The following PLGRKT variants were observed in gnomAD, a reference collection of about 807,000 sequenced individuals.
The protein encoded by PLGRKT is plasminogen receptor (KT).
PLGRKT carries 22 observed loss-of-function variants against 18.5 expected under a neutral mutation model. That is an observed-to-expected ratio of 1.19 (90% confidence interval 0.85 to 1.70). The LOEUF (loss-of-function observed/expected upper bound fraction) is 1.70. PLGRKT is among the 40% of genes most tolerant of loss of function. The pLI is 0.00. For synonymous variants in PLGRKT, 72 were observed against 52.8 expected (o/e 1.36, Z -1.58); for missense variants, 235 against 174.4 (o/e 1.35, Z -1.96).
At chr9:5,437,763 C>T (rs1171841645) in intron 1 of PLGRKT, 26 bp downstream of exon 1, 1 of 152,294 alleles carries the variant, frequency 6.6e-6, no homozygotes. Context: ...CTTCTCCCCA[C>T]CCGCCTGCGG....
At chr9:5,408,931 G>GT (rs1297397414) in intron 3 of PLGRKT, among the ~76,000 whole-genome samples, 1 of 152,254 alleles carries the variant, frequency 6.6e-6, no homozygotes, top group African/African-American at 2.4e-5. Flanking sequence ...GGTGCAAGCT[G>GT]TAAGTCTTGG....
At chr9:5,425,264 G>A (rs1244154269) in intron 3 of PLGRKT, among the ~76,000 whole-genome samples, 1 of 152,110 alleles carries the variant, frequency 6.6e-6, no homozygotes, top group Non-Finnish European at 1.5e-5. Context: ...ATTTTTAGAG[G>A]AGTTTTTAGA....
At chr9:5,432,397 C>G (rs1818844866) in intron 2 of PLGRKT, among the ~76,000 whole-genome samples, 1 of 152,208 alleles carries the variant, frequency 6.6e-6, no homozygotes, top group Non-Finnish European at 1.5e-5. Context: ...ACCTTTGCAT[C>G]TGAGGAGGGA....
intron 3 of PLGRKT, among the ~76,000 whole-genome samples, chr9:5,389,001 G>C (rs552018324): frequency 6.6e-6 from 1 of 152,058 alleles, no homozygotes; most frequent in East Asian, 1.9e-4. Context: ...TTATTGACTT[G>C]TGCAATGAAG....
intron 2 of PLGRKT, among the ~76,000 whole-genome samples, chr9:5,432,263 G>A (rs1818842278): frequency 6.6e-6 from 1 of 151,796 alleles, no homozygotes; most frequent in Non-Finnish European, 1.5e-5. Context: ...GCTGTTTCCT[G>A]ATTTTTCTTC....
intron 3 of PLGRKT, among the ~76,000 whole-genome samples, chr9:5,430,130 C>A (rs552778696): frequency 6.6e-6 from 1 of 152,218 alleles, no homozygotes; most frequent in Non-Finnish European, 1.5e-5. Context: ...ATTAACACCA[C>A]CACGCTCATG....
At chr9:5,409,512 G>A (rs1425796816) in intron 3 of PLGRKT, among the ~76,000 whole-genome samples, 2 of 152,166 alleles carry the variant, frequency 1.3e-5, no homozygotes, top group African/African-American at 4.8e-5. Flanking sequence ...GTGATCGTGT[G>A]AGTTAATACT....
chr9:5,377,939 T>C (rs1159042919), intron 3 of PLGRKT, among the ~76,000 whole-genome samples: 1 of 152,194 alleles, frequency 6.6e-6, no homozygotes, highest in Non-Finnish European at 1.5e-5. Context: ...CACTGAGACC[T>C]GAAGTATGAC....
At chr9:5,359,630 T>C (rs1817218725) in intron 5 of PLGRKT, among the ~76,000 whole-genome samples, 1 of 152,232 alleles carries the variant, frequency 6.6e-6, no homozygotes, top group Admixed American at 6.5e-5. Flanking sequence ...TTGTATATTT[T>C]AGGGTCATCA....
In PLGRKT at chr9:5,418,629, C is replaced by T. The variant is rs1586738911; in HGVS notation, c.81+13268G>A. On this transcript the variant is annotated intron_variant, in intron 3 of 5. Coordinates refer to ENST00000223864, the MANE Select transcript of PLGRKT (RefSeq NM_018465.4). The surrounding 1 kb of genome is among the most constrained non-coding windows in gnomAD (Gnocchi z 4.2). The stretch of plus-strand genomic sequence containing the variant: ...GGTTCCTGGGCAGCAGGTGGCGGCT[C>T]ATATCTCCGGGCAGCAGCGCGTGCT... The T allele has an allele frequency of 5.6e-6, 4 of 710,622 alleles. No homozygotes were observed. In the East Asian group the frequency reaches 1.1e-4, roughly 19 times the overall value. 44.0% of individuals were successfully genotyped at this position (710,622 alleles called of 1,614,324 possible).
intron 3 of PLGRKT, among the ~76,000 whole-genome samples, chr9:5,386,749 A>T (rs1349099275): frequency 6.6e-6 from 1 of 151,718 alleles, no homozygotes; most frequent in Non-Finnish European, 1.5e-5. Flanking sequence ...GCTGTTAGTC[A>T]TCCTATGTCC....
rs549910548 is a variant in PLGRKT, at chr9:5,394,029, A to T, written c.82-32141T>A. Among the ~76,000 whole-genome samples the T allele has an allele frequency of 1.9e-3, 282 of 151,996 alleles. 2 individuals are homozygous for T. The highest frequency in any genetic ancestry group is 9.5e-3 in the South Asian group (46 of 4,826). On this transcript the variant is annotated intron_variant, in intron 3 of 5. Coordinates refer to ENST00000223864, the MANE Select transcript of PLGRKT (RefSeq NM_018465.4). Reference sequence around the variant, plus strand: ...AATCTCTAGAAATGACCATCTCCCTAGCCCAGCATTCTATCTAGTGTTGCT... The same window carrying T: ...AATCTCTAGAAATGACCATCTCCCTTGCCCAGCATTCTATCTAGTGTTGCT...
At chr9:5,364,784 A>T (rs544884016) in intron 3 of PLGRKT, among the ~76,000 whole-genome samples, 5 of 152,332 alleles carry the variant, frequency 3.3e-5, no homozygotes, top group African/African-American at 9.6e-5. Context: ...CAACAAGTAA[A>T]TTGACAGAAG....
intron 1 of PLGRKT, among the ~76,000 whole-genome samples, chr9:5,436,981 A>T (rs1033112480): frequency 6.6e-6 from 1 of 152,198 alleles, no homozygotes; most frequent in African/African-American, 2.4e-5. Flanking sequence ...GGTAAAAAAA[A>T]ATGTCTTGCT....
Position 5,418,440 on chromosome 9 carries a change from G to A in PLGRKT, c.81+13457C>T. Reference sequence around the variant, plus strand: ...TATGGAGCACGATGCTGAGGAGGAAGACCAAGACGCAAGCCACCAAGATGA... The same window carrying A: ...TATGGAGCACGATGCTGAGGAGGAAAACCAAGACGCAAGCCACCAAGATGA... On this transcript the variant is annotated intron_variant, in intron 3 of 5. Coordinates refer to ENST00000223864, the MANE Select transcript of PLGRKT (RefSeq NM_018465.4). This position sits in a 1 kb window ranked among gnomAD's most constrained non-coding sequence, Gnocchi z 4.2. 1.0e-6 allele frequency: 1 copy of A among 959,618 alleles called. No individual in the cohort carries two copies. The highest frequency in any genetic ancestry group is 1.7e-6 in the Non-Finnish European group (1 of 591,772). 59.4% of individuals were successfully genotyped at this position (959,618 alleles called of 1,614,324 possible). A position where few individuals can be genotyped will look rare whatever the true frequency, so the allele number is the denominator to read the frequency against.
At chr9:5,419,146 C>T (rs538182570) in intron 3 of PLGRKT, among the ~76,000 whole-genome samples, 3 of 152,194 alleles carry the variant, frequency 2.0e-5, no homozygotes, top group Admixed American at 6.5e-5. Context: ...ACAGGCAGCT[C>T]AGAGCCAGCA....
At chr9:5,383,169 G>C (rs1817778262) in intron 3 of PLGRKT, among the ~76,000 whole-genome samples, 1 of 152,234 alleles carries the variant, frequency 6.6e-6, no homozygotes, top group African/African-American at 2.4e-5. Context: ...GCAGCCACAA[G>C]CCAAGGAACG....
intron 2 of PLGRKT, among the ~76,000 whole-genome samples, chr9:5,433,681 G>C (rs10975115): frequency 2.0e-5 from 2 of 102,534 alleles, no homozygotes; most frequent in East Asian, 6.4e-4. Flanking sequence ...GCCTCTGCCC[G>C]GCTGCCCCGT....
intron 3 of PLGRKT, 61 bp downstream of exon 3, chr9:5,431,836 A>G (rs1178573522): frequency 1.5e-5 from 12 of 795,974 alleles, no homozygotes; most frequent in African/African-American, 1.4e-4. Flanking sequence ...CGGCTGGAGT[A>G]CATGTGGTAG....
Sources: allele counts gnomAD v4.1 joint callset (sites outside exome capture counted in the v4.1 genomes callset), GRCh38; gene constraint gnomAD v4.1.1; non-coding constraint Gnocchi (gnomAD v3.1); transcripts MANE v1.5; gene names NCBI Gene and HGNC (gene_info 2026-07-23, HGNC 2026-07-21).